FHIP2A: variants seen among roughly 807,000 people sequenced by gnomAD.
FHIP2A encodes the protein family with sequence similarity 160 member B1.
In FHIP2A, 46 loss-of-function variants were observed where a neutral mutation model predicts 93.5. The observed-to-expected ratio is 0.49, with a 90% CI of 0.39 to 0.63. The LOEUF (loss-of-function observed/expected upper bound fraction) is 0.63, where lower values mean the gene tolerates loss of function less well. FHIP2A is among the 20% of genes least tolerant of loss of function. The probability of loss-of-function intolerance (pLI) is 0.00; values close to 1 mark genes in which losing one functional copy is unlikely to be tolerated. For synonymous variants in FHIP2A, 332 were observed against 326.5 expected (o/e 1.02, Z -0.18); for missense variants, 769 against 909.7 (o/e 0.85, Z 1.99).
At chr10:114,852,455 G>C (rs1367332383) in intron 13 of FHIP2A, among the ~76,000 whole-genome samples, 2 of 152,060 alleles carry the variant, frequency 1.3e-5, no homozygotes, top group African/African-American at 2.4e-5. Flanking sequence ...CCATCCTCCT[G>C]GTCATTCAAG....
At position 114,822,037 on chromosome 10, in the gene FHIP2A, T is replaced by C. The variant is rs2083527989; in HGVS notation, c.-42T>C. On this transcript the variant is annotated 5_prime_UTR_variant, in exon 1 of 17. Coordinates refer to ENST00000369248, the MANE Select transcript of FHIP2A (RefSeq NM_020940.4). ...GCGGCGGCGGCGGATCGAGGAGCTC[T>C]CCAGGTCGTCCCGGGAGAGGCTGCT... 8.0e-7 allele frequency: 1 copy of C among 1,250,048 alleles called. No individual in the cohort carries two copies. The highest frequency in any genetic ancestry group is 3.4e-5 in the East Asian group (1 of 29,110). 77.4% of individuals were successfully genotyped at this position (1,250,048 alleles called of 1,614,324 possible). A position where few individuals can be genotyped will look rare whatever the true frequency, so the allele number is the denominator to read the frequency against.
rs569836596 is a variant in FHIP2A at position 114,846,900 on chromosome 10, T to C, written c.1568+172T>C. 1.2e-4 allele frequency among the ~76,000 whole-genome samples: 19 copies of C among 152,324 alleles called. 1 individual carries two copies. In the South Asian group the frequency reaches 3.9e-3, roughly 32 times the overall value. Reference sequence around the variant, plus strand: ...CCATCCTTTTACATTACAAATAATATTGTGTATTCATTAGACCCAATAACA... The same window carrying C: ...CCATCCTTTTACATTACAAATAATACTGTGTATTCATTAGACCCAATAACA... On this transcript the variant is annotated intron_variant, in intron 11 of 16. Transcript: ENST00000369248.
At chr10:114,839,681 G>T (rs2083656954) in intron 5 of FHIP2A, among the ~76,000 whole-genome samples, 1 of 151,740 alleles carries the variant, frequency 6.6e-6, no homozygotes, top group South Asian at 2.1e-4. Flanking sequence ...GATCAATCAA[G>T]ATCATCCTGG....
intron 12 of FHIP2A, among the ~76,000 whole-genome samples, chr10:114,847,857 C>G (rs537543519): frequency 1.3e-5 from 2 of 151,864 alleles, no homozygotes; most frequent in Admixed American, 1.3e-4. Flanking sequence ...AGCGATTCTC[C>G]TGCCTCAGGC....
At chr10:114,899,533 T>C in exon 17 of FHIP2A, 2 of 718,432 alleles carry the variant, frequency 2.8e-6, no homozygotes, top group Non-Finnish European at 5.2e-6. Context: ...CCAGAGTCTC[T>C]TATGTCCTCA....
At chr10:114,855,973 G>A (rs1302890811) in intron 14 of FHIP2A, among the ~76,000 whole-genome samples, 2 of 152,170 alleles carry the variant, frequency 1.3e-5, no homozygotes, top group African/African-American at 4.8e-5. Context: ...GCTTAGTGAT[G>A]AGAGAGCTTT....
chr10:114,847,308 A>C, intron 12 of FHIP2A, 75 bp downstream of exon 12: 1 of 1,383,776 alleles, frequency 7.2e-7, no homozygotes, highest in Non-Finnish European at 9.9e-7. Flanking sequence ...TTATTTTTTG[A>C]GATGGAGTCT....
chr10:114,840,299 A>C (rs1364945615), intron 5 of FHIP2A, among the ~76,000 whole-genome samples: 3 of 152,204 alleles, frequency 2.0e-5, no homozygotes, highest in African/African-American at 7.2e-5. Context: ...GAAGATGTAA[A>C]AGTTTGTGGT....
chr10:114,899,059 A>AGTGAAGCCTC, intron 16 of FHIP2A, among the ~76,000 whole-genome samples: 1 of 152,212 alleles, frequency 6.6e-6, no homozygotes, highest in Non-Finnish European at 1.5e-5. Flanking sequence ...TAGAGGATGG[A>AGTGAAGCCTC]CAACCACATG....
intron 5 of FHIP2A, among the ~76,000 whole-genome samples, chr10:114,838,338 C>A (rs2083648266): frequency 6.6e-6 from 1 of 152,080 alleles, no homozygotes; most frequent in South Asian, 2.1e-4. Context: ...ATTTAAATTT[C>A]TAGGTGGTGG....
At chr10:114,843,269 A>G (rs775829073) in intron 6 of FHIP2A, 43 bp downstream of exon 6, 1 of 1,217,336 alleles carries the variant, frequency 8.2e-7, no homozygotes, top group Non-Finnish European at 1.1e-6. Context: ...CATTATTTCA[A>G]TAATGTGTAT....
intron 16 of FHIP2A, among the ~76,000 whole-genome samples, chr10:114,875,538 A>T (rs1275552672): frequency 6.6e-6 from 1 of 152,008 alleles, no homozygotes; most frequent in African/African-American, 2.4e-5. Flanking sequence ...CTAAAAAAAA[A>T]TACAAAAGAT....
In FHIP2A at chr10:114,846,687, A is replaced by G; in HGVS notation, c.1527A>G (p.Glu509=). The change falls in exon 11 of 17, where the codon GAA becomes GAG. Residue 509 remains glutamate, a synonymous_variant. Coordinates refer to ENST00000369248, the MANE Select transcript of FHIP2A (RefSeq NM_020940.4). ...NYTEYKPLCP[E]DKDVVENGLI... is the part of the protein sequence containing the mutation. The stretch of plus-strand genomic sequence containing the variant: ...CAGAATATAAACCTTTGTGCCCAGA[A>G]GATAAAGATGTGGTAGAAAATGGAT... 1 of 1,608,604 alleles carries G rather than the reference A, an allele frequency of 6.2e-7. No individual in the cohort carries two copies. Among genetic ancestry groups the G allele is most frequent in the Non-Finnish European group, 8.5e-7 (1 of 1,178,864 alleles).
At chr10:114,878,229 T>C (rs919267570) in intron 16 of FHIP2A, among the ~76,000 whole-genome samples, 1 of 152,216 alleles carries the variant, frequency 6.6e-6, no homozygotes, top group Non-Finnish European at 1.5e-5. Flanking sequence ...GCATTATGAA[T>C]GGCTGCCTAG....
intron 16 of FHIP2A, among the ~76,000 whole-genome samples, chr10:114,887,765 T>C (rs751213602): frequency 2.0e-5 from 3 of 152,224 alleles, no homozygotes; most frequent in Admixed American, 6.5e-5. Context: ...CAAGGCATTG[T>C]ACCAGGCTGT....
chr10:114,862,444 G>C lies in FHIP2A; in HGVS notation c.*904G>C. On this transcript the variant is annotated 3_prime_UTR_variant, in exon 17 of 17. Transcript: ENST00000369248. ...TGAAACGCATGGTGGTGTCTAGGTG[G>C]GGAACTGACTGATAACCCTTGGCAG... 1 of 987,472 alleles carries C rather than the reference G, an allele frequency of 1.0e-6. No individual in the cohort carries two copies. Among genetic ancestry groups the C allele is most frequent in the Non-Finnish European group, 1.2e-6 (1 of 830,090 alleles). 61.2% of individuals were successfully genotyped at this position (987,472 alleles called of 1,614,324 possible).
At chr10:114,894,812 C>T (rs1462272122) in intron 16 of FHIP2A, among the ~76,000 whole-genome samples, 1 of 152,084 alleles carries the variant, frequency 6.6e-6, no homozygotes, top group Non-Finnish European at 1.5e-5. Context: ...CTGGGAACGA[C>T]CTAGAGTGTG....
intron 1 of FHIP2A, among the ~76,000 whole-genome samples, chr10:114,822,383 G>A (rs1191425120): frequency 1.3e-5 from 2 of 151,976 alleles, no homozygotes; most frequent in Non-Finnish European, 1.5e-5. Flanking sequence ...AGGAGCCGGG[G>A]CGGGGGTGCC....
chr10:114,864,545 T>C lies in FHIP2A; in HGVS notation c.*3005T>C, dbSNP rs1277584725. On this transcript the variant is annotated 3_prime_UTR_variant, in exon 17 of 17. Transcript: ENST00000369248. ...TGAAAGTTGTGTAGGTTACTGACAG[T>C]GTTACCAGCGTCTGGAATTCTTGGT... 1.3e-5 allele frequency: 13 copies of C among 985,838 alleles called. No individual in the cohort carries two copies. Among genetic ancestry groups the C allele is most frequent in the Non-Finnish European group, 1.6e-5 (13 of 829,928 alleles). The allele number at this position is 985,838 out of a possible 1,614,324, so 61.1% of individuals were successfully genotyped here.
Sources: gnomAD v4.1 joint callset for allele counts (sites outside exome capture counted in the v4.1 genomes callset) on GRCh38, gnomAD v4.1.1 for gene constraint, MANE v1.5 for transcripts, NCBI Gene and HGNC (gene_info 2026-07-23, HGNC 2026-07-21) for gene names.